The following LRGUK variants were observed in gnomAD, a reference collection of about 807,000 sequenced individuals.
LRGUK encodes the protein leucine-rich repeat and guanylate kinase domain-containing protein.
In LRGUK, 65 loss-of-function variants were observed where a neutral mutation model predicts 76.0. The ratio of observed to expected loss-of-function variants is 0.85; its 90% confidence interval spans 0.70 to 1.05. The LOEUF (loss-of-function observed/expected upper bound fraction) is 1.05. LRGUK is among the 50% of genes least tolerant of loss of function. LRGUK has a pLI of 0.00. For synonymous variants in LRGUK, 268 were observed against 265.6 expected (o/e 1.01, Z -0.09); for missense variants, 758 against 732.8 (o/e 1.03, Z -0.40).
At chr7:134,157,990 A>G (rs1325150739) in intron 5 of LRGUK, 45 bp from the exon 6 acceptor site, 1 of 1,565,150 alleles carries the variant, frequency 6.4e-7, no homozygotes, top group Non-Finnish European at 8.7e-7. Context: ...TTTTCTTCCA[A>G]ATGCTTTTAA....
At chr7:134,133,835 G>T (rs747452828) in intron 1 of LRGUK, among the ~76,000 whole-genome samples, 1 of 152,088 alleles carries the variant, frequency 6.6e-6, no homozygotes, top group Non-Finnish European at 1.5e-5. Flanking sequence ...GGAAGTGGGC[G>T]GATCACTTGA....
At chr7:134,203,015 C>T (rs1038846512) in intron 15 of LRGUK, among the ~76,000 whole-genome samples, 10 of 151,770 alleles carry the variant, frequency 6.6e-5, no homozygotes, top group Non-Finnish European at 1.2e-4. Context: ...TCATCCTGGC[C>T]AACATGGTGA....
At chr7:134,197,374 A>G (rs1800540805) in intron 13 of LRGUK, among the ~76,000 whole-genome samples, 1 of 152,228 alleles carries the variant, frequency 6.6e-6, no homozygotes, top group South Asian at 2.1e-4. Flanking sequence ...AAGTGACAGG[A>G]GTTCGGTTAC....
intron 16 of LRGUK, among the ~76,000 whole-genome samples, chr7:134,226,818 C>T (rs1025907799): frequency 6.6e-6 from 1 of 152,106 alleles, no homozygotes; most frequent in African/African-American, 2.4e-5. Context: ...CAAATGTTGT[C>T]GCTATGTCAG....
At chr7:134,259,400 G>A (rs1303861182) in intron 19 of LRGUK, among the ~76,000 whole-genome samples, 1 of 152,082 alleles carries the variant, frequency 6.6e-6, no homozygotes, top group East Asian at 1.9e-4. Context: ...GAAGTGAATG[G>A]GGAGAACTCT....
At chr7:134,131,098 C>T (rs17167448) in intron 1 of LRGUK, among the ~76,000 whole-genome samples, 20,524 of 152,114 alleles carry the variant, frequency 0.13, 1,711 homozygotes, top group East Asian at 0.33. Flanking sequence ...AGAAAGCACT[C>T]GTTGACTGTA....
chr7:134,253,913 T>A (rs1802508590), intron 18 of LRGUK, among the ~76,000 whole-genome samples: 1 of 152,050 alleles, frequency 6.6e-6, no homozygotes, highest in South Asian at 2.1e-4. Context: ...TAGGTCCAAA[T>A]CAAATTTAAA....
Position 134,191,703 on chromosome 7 carries a change from TG to T in LRGUK, c.1384del (p.Asp462IlefsTer14). 6.2e-7 allele frequency: 1 copy of T among 1,613,218 alleles called. No individual in the cohort carries two copies. ...CTTACTTTGGAGAAGGGGATCGAGT[TG>T]ATTATCATTTTATCTCTCAAGACGT... On this transcript the variant is annotated frameshift_variant, in exon 12 of 16. Transcript: ENST00000645682. LOFTEE classifies it high-confidence loss of function.
chr7:134,169,327 G>T (rs908346052), intron 7 of LRGUK, among the ~76,000 whole-genome samples: 1 of 152,152 alleles, frequency 6.6e-6, no homozygotes, highest in African/African-American at 2.4e-5. Context: ...CCTTCTGAGA[G>T]AGCACAGGAC....
intron 12 of LRGUK, among the ~76,000 whole-genome samples, chr7:134,194,480 A>G (rs1800399093): frequency 6.6e-6 from 1 of 152,212 alleles, no homozygotes; most frequent in South Asian, 2.1e-4. Context: ...TTGGGCTCAC[A>G]CCTGTAATCC....
Position 134,127,714 on chromosome 7 carries a change from G to A in LRGUK, c.297+50G>A, listed in dbSNP as rs201575572. 5.0e-5 allele frequency: 77 copies of A among 1,547,768 alleles called. No individual in the cohort carries two copies. The African/African-American group carries it at 7.3e-4, about 15-fold the overall frequency. ...CTCCCTGGCTCCCTCGTCCAGCCCT[G>A]TTACTTCAGCGGCAGCTCCCCGATG... is the stretch of plus-strand genomic sequence containing the variant. On this transcript the variant is annotated intron_variant, in intron 1 of 15. Coordinates refer to ENST00000645682, the Ensembl canonical transcript of LRGUK.
At chr7:134,252,754 A>G (rs1302232152) in intron 18 of LRGUK, among the ~76,000 whole-genome samples, 2 of 152,144 alleles carry the variant, frequency 1.3e-5, no homozygotes, top group African/African-American at 4.8e-5. Flanking sequence ...CAAACATAAT[A>G]CAGACAATGT....
intron 1 of LRGUK, 146 bp from the exon 2 acceptor site, chr7:134,136,877 A>G: frequency 3.2e-6 from 2 of 616,248 alleles, no homozygotes; most frequent in Non-Finnish European, 5.8e-6. Context: ...TGTTATCAAC[A>G]CAGAATTTTT....
chr7:134,269,759 T>C, the LRGUK span, among the ~76,000 whole-genome samples: 1 of 152,200 alleles, frequency 6.6e-6, no homozygotes, highest in Non-Finnish European at 1.5e-5. Context: ...ATGTGTGCGC[T>C]GTGACCAAGT....
rs1797468852 is a variant in LRGUK at position 134,135,074 on chromosome 7, A to C, written c.298-1949A>C. Among the ~76,000 whole-genome samples, 4 of 152,170 alleles carry C rather than the reference A, an allele frequency of 2.6e-5. No individual in the cohort carries two copies. In the South Asian group the frequency reaches 8.3e-4, roughly 32 times the overall value. On this transcript the variant is annotated intron_variant, in intron 1 of 15. Transcript: ENST00000645682. ...ATTATACATGTATTAATTTTGAATA[A>C]ATTTGTAATATTTGTGGGGGACATT...
intron 18 of LRGUK, among the ~76,000 whole-genome samples, chr7:134,257,445 G>T (rs918197814): frequency 1.3e-5 from 2 of 152,128 alleles, no homozygotes; most frequent in African/African-American, 4.8e-5. Flanking sequence ...GAACCTGGCG[G>T]TAGGAAGTGT....
At chr7:134,179,656 T>C (rs1008501896) in intron 10 of LRGUK, among the ~76,000 whole-genome samples, 5 of 152,242 alleles carry the variant, frequency 3.3e-5, no homozygotes, top group African/African-American at 1.2e-4. Flanking sequence ...AGTTGTTTCA[T>C]GCTTTAGGGT....
chr7:134,227,814 T>C (rs1305332370), intron 16 of LRGUK, among the ~76,000 whole-genome samples: 1 of 152,052 alleles, frequency 6.6e-6, no homozygotes. Context: ...GACTGAAAAG[T>C]TGATAAGAAA....
In LRGUK at chr7:134,252,830, G is replaced by A. The variant is rs562126015; in HGVS notation, c.2198+3754G>A. On this transcript the variant is annotated intron_variant, in intron 18 of 19. Coordinates refer to the LRGUK transcript ENST00000285928. Reference sequence around the variant, plus strand: ...ATCACCCCATTCCCTTACCTCCTGGGTCAAGGACAGGCCCAGATGATAGCT... The same window carrying A: ...ATCACCCCATTCCCTTACCTCCTGGATCAAGGACAGGCCCAGATGATAGCT... 6.6e-5 allele frequency among the ~76,000 whole-genome samples: 10 copies of A among 152,222 alleles called. No homozygotes were observed. In the South Asian group the frequency reaches 2.1e-3, roughly 32 times the overall value.
Sources: gnomAD v4.1 joint callset for allele counts (sites outside exome capture counted in the v4.1 genomes callset) on GRCh38, gnomAD v4.1.1 for gene constraint, MANE v1.5 for transcripts, NCBI Gene and HGNC (gene_info 2026-07-23, HGNC 2026-07-21) for gene names.